ATG7: variants seen among roughly 807,000 people sequenced by gnomAD.
ATG7 encodes autophagy related 7, also known as ubiquitin-like modifier-activating enzyme ATG7.
Under a neutral mutation model 82.4 loss-of-function variants are expected in ATG7, and 70 were observed. That is an observed-to-expected ratio of 0.85 (90% CI 0.70 to 1.04). The LOEUF (loss-of-function observed/expected upper bound fraction) is 1.04, where lower values mean the gene tolerates loss of function less well. Among genes scored for constraint, ATG7 ranks in the 50% least tolerant of loss-of-function variants. The probability of loss-of-function intolerance (pLI) is 0.00; values close to 1 mark genes in which losing one functional copy is unlikely to be tolerated. For synonymous variants in ATG7, 287 were observed against 313.0 expected, an observed-to-expected ratio of 0.92 and a Z score of 0.88; for missense variants, 792 against 864.3, an observed-to-expected ratio of 0.92 and a Z score of 1.05.
downstream of ATG7, chr3:11,558,532 G>C (rs201152887): frequency 3.4e-6 from 5 of 1,475,506 alleles, no homozygotes; most frequent in East Asian, 2.8e-5. Flanking sequence ...GCAGATCCAC[G>C]TGTTGTTGGA....
In ATG7 at chr3:11,421,874, T is replaced by C. The variant is rs551996811; in HGVS notation, c.1957-4930T>C. On this transcript the variant is annotated intron_variant, in intron 19 of 20. Transcript: ENST00000693202. The stretch of plus-strand genomic sequence containing the variant: ...AGCATGCATGAAAACAACATTTATC[T>C]CTTTGTACATCTCCATCAGACCTCC... 1.3e-5 allele frequency among the ~76,000 whole-genome samples: 2 copies of C among 152,328 alleles called. 1 individual carries two copies. The highest frequency in any genetic ancestry group is 6.8e-3 in the Middle Eastern group (2 of 294).
the ATG7 span, among the ~76,000 whole-genome samples, chr3:11,572,159 ATT>A: frequency 6.6e-6 from 1 of 152,168 alleles, no homozygotes; most frequent in African/African-American, 2.4e-5. Context: ...GAGTATCTTT[ATT>A]ATCATCAGCT....
intron 19 of ATG7, among the ~76,000 whole-genome samples, chr3:11,420,503 T>C (rs1369260497): frequency 6.6e-6 from 1 of 152,120 alleles, no homozygotes; most frequent in Non-Finnish European, 1.5e-5. Context: ...TTCAAAGATG[T>C]TGTCAATTTT....
intron 20 of ATG7, among the ~76,000 whole-genome samples, chr3:11,462,594 G>C (rs1450345617): frequency 6.6e-6 from 1 of 152,138 alleles, no homozygotes; most frequent in African/African-American, 2.4e-5. Flanking sequence ...GCCCTGGGAT[G>C]ATGAAAGCAG....
chr3:11,411,319 G>A (rs4365605), intron 19 of ATG7, among the ~76,000 whole-genome samples: 125,385 of 152,104 alleles, frequency 0.82, 51,894 homozygotes, highest in East Asian at 1. Context: ...TTACCTGTAT[G>A]TTCTGTATAT....
At chr3:11,275,530 T>TTTG (rs1941572620) in intron 1 of ATG7, among the ~76,000 whole-genome samples, 1 of 148,682 alleles carries the variant, frequency 6.7e-6, no homozygotes, top group African/African-American at 2.5e-5. Context: ...TTTTTTTTTT[T>TTTG]TTTTTTTTTA....
At chr3:11,443,390 C>T (rs1300092942) in intron 20 of ATG7, among the ~76,000 whole-genome samples, 1 of 152,104 alleles carries the variant, frequency 6.6e-6, no homozygotes, top group African/African-American at 2.4e-5. Context: ...TCCTTTTCTT[C>T]GTTGTTGTTT....
chr3:11,499,606 G>T (rs6788892), intron 20 of ATG7, among the ~76,000 whole-genome samples: 6 of 152,000 alleles, frequency 3.9e-5, no homozygotes, highest in Non-Finnish European at 5.9e-5. Flanking sequence ...AATTAGACAG[G>T]TGTGGTGGTG....
At chr3:11,466,319 G>A (rs2454492) in intron 20 of ATG7, among the ~76,000 whole-genome samples, 128,893 of 152,274 alleles carry the variant, frequency 0.85, 54,757 homozygotes, top group East Asian at 1. Flanking sequence ...CCCCATACGG[G>A]TAAGGTGAGA....
chr3:11,308,836 G>A, intron 6 of ATG7, 148 bp from the exon 7 acceptor site: 2 of 727,050 alleles, frequency 2.8e-6, no homozygotes, highest in Non-Finnish European at 4.8e-6. Flanking sequence ...GGCAGAGTGA[G>A]GTAACAACCC....
chr3:11,384,448 G>A (rs1448134935), intron 19 of ATG7, among the ~76,000 whole-genome samples: 1 of 152,066 alleles, frequency 6.6e-6, no homozygotes, highest in Non-Finnish European at 1.5e-5. Flanking sequence ...TTCTGTTGAT[G>A]GGTTATGATT....
chr3:11,433,289 TAAAAAAA>T (rs56859088), intron 20 of ATG7, among the ~76,000 whole-genome samples: 14 of 83,810 alleles, frequency 1.7e-4, no homozygotes, highest in Middle Eastern at 6.7e-3. Flanking sequence ...GTCTCTTATT[TAAAAAAA>T]AAAAAAAAAA....
At chr3:11,569,796 ACCTGGGC>A in the ATG7 span, among the ~76,000 whole-genome samples, 5 of 152,166 alleles carry the variant, frequency 3.3e-5, no homozygotes, top group Non-Finnish European at 7.3e-5. Context: ...TGGGAGGATC[ACCTGGGC>A]CCAGGAGGTG....
chr3:11,298,960 TCAGTGCTCTTC>T, intron 4 of ATG7, 105 bp downstream of exon 4: 1 of 1,223,050 alleles, frequency 8.2e-7, no homozygotes, highest in Non-Finnish European at 1.1e-6. Context: ...TCTTTTATAA[TCAGTGCTCTTC>T]ACTAGTTTCT....
intron 20 of ATG7, among the ~76,000 whole-genome samples, chr3:11,451,780 A>G (rs1441508917): frequency 1.4e-5 from 2 of 139,238 alleles, no homozygotes; most frequent in Non-Finnish European, 1.5e-5. Context: ...ATATGTTTAT[A>G]GTCTCAAAAA....
chr3:11,436,070 A>C (rs1415642068), intron 20 of ATG7, among the ~76,000 whole-genome samples: 1 of 152,194 alleles, frequency 6.6e-6, no homozygotes, highest in Non-Finnish European at 1.5e-5. Flanking sequence ...ACCCATCTCT[A>C]AAAACAACAA....
chr3:11,503,755 CAAAAAAAAA>C (rs34065629), intron 20 of ATG7, among the ~76,000 whole-genome samples: 876 of 77,008 alleles, frequency 0.011, 12 homozygotes, highest in African/African-American at 0.043. Context: ...GACTCTGTCT[CAAAAAAAAA>C]AAAAAAAAAA....
At chr3:11,573,964 GGAA>G in the ATG7 span, among the ~76,000 whole-genome samples, 1 of 152,172 alleles carries the variant, frequency 6.6e-6, no homozygotes, top group African/African-American at 2.4e-5. Flanking sequence ...ACATACGGAG[GGAA>G]GAAGATGTGA....
intron 20 of ATG7, among the ~76,000 whole-genome samples, chr3:11,428,507 G>T (rs2082571679): frequency 6.6e-6 from 1 of 152,224 alleles, no homozygotes; most frequent in African/African-American, 2.4e-5. Context: ...TTAAACAGAT[G>T]CAGTCTTCCA....
Sources: gnomAD v4.1 joint callset for allele counts (sites outside exome capture counted in the v4.1 genomes callset) on GRCh38, gnomAD v4.1.1 for gene constraint, MANE v1.5 for transcripts, NCBI Gene and HGNC (gene_info 2026-07-23, HGNC 2026-07-21) for gene names.